Variants in LEPR observed in about 807,000 individuals in gnomAD.
LEPR encodes OB receptor.
A neutral mutation model predicts 114.7 loss-of-function variants in LEPR; 56 were observed. That is an observed-to-expected ratio of 0.49 (90% CI 0.39 to 0.61). LEPR has a LOEUF of 0.61. Ranked by LOEUF, LEPR falls within the 20% of genes least tolerant of loss-of-function variation. The probability of loss-of-function intolerance (pLI) is 0.00; values close to 1 mark genes in which losing one functional copy is unlikely to be tolerated. For missense variants in LEPR, 1,202 were observed against 1,352.9 expected, an observed-to-expected ratio of 0.89 and a Z score of 1.75; for synonymous variants, 443 against 461.4, an observed-to-expected ratio of 0.96 and a Z score of 0.51.
intron 14 of LEPR, among the ~76,000 whole-genome samples, chr1:65,612,816 T>C (rs758769899): frequency 6.6e-6 from 1 of 152,200 alleles, no homozygotes; most frequent in Non-Finnish European, 1.5e-5. Flanking sequence ...AGATCACAGA[T>C]GTAAAATGCC....
At chr1:65,423,307 A>G (rs546423560) in intron 1 of LEPR, among the ~76,000 whole-genome samples, 59 of 152,118 alleles carry the variant, frequency 3.9e-4, no homozygotes, top group Non-Finnish European at 7.4e-4. Flanking sequence ...GAAAAGAGAG[A>G]TGGGGTTGGA....
chr1:65,493,048 C>T (rs1436504473), intron 2 of LEPR, among the ~76,000 whole-genome samples: 1 of 151,976 alleles, frequency 6.6e-6, no homozygotes, highest in Non-Finnish European at 1.5e-5. Context: ...CTCCTTCCAT[C>T]CTGGAAAATC....
intron 2 of LEPR, chr1:65,427,773 GT>G: frequency 5.0e-6 from 2 of 403,196 alleles, no homozygotes; most frequent in Non-Finnish European, 5.0e-6. Flanking sequence ...TTAATTTTTT[GT>G]TTTTTAGAGA....
At chr1:65,635,111 A>G (rs1439739987) in intron 19 of LEPR, 2 of 919,912 alleles carry the variant, frequency 2.2e-6, no homozygotes, top group African/African-American at 3.6e-5. Context: ...TATATGGAAT[A>G]TGCTTGCCAT....
At chr1:65,499,859 GAA>G in intron 2 of LEPR, among the ~76,000 whole-genome samples, 1 of 152,108 alleles carries the variant, frequency 6.6e-6, no homozygotes, top group East Asian at 1.9e-4. Flanking sequence ...TGATTTTCTA[GAA>G]AAGAGTTCAG....
At chr1:65,421,128 G>A (rs930933232) in intron 1 of LEPR, among the ~76,000 whole-genome samples, 2 of 152,182 alleles carry the variant, frequency 1.3e-5, no homozygotes, top group African/African-American at 4.8e-5. Flanking sequence ...TTGCCACAAA[G>A]GACCCTTTGT....
At chr1:65,443,223 A>G (rs977444330) in intron 2 of LEPR, among the ~76,000 whole-genome samples, 4 of 152,134 alleles carry the variant, frequency 2.6e-5, no homozygotes, top group Non-Finnish European at 5.9e-5. Flanking sequence ...ATCAGTATCA[A>G]AAAAATCAAT....
Position 65,633,623 on chromosome 1 carries a change from A to G in LEPR, c.2674-2568A>G, listed in dbSNP as rs1658609880. 1.0e-6 allele frequency: 1 copy of G among 983,684 alleles called. No individual in the cohort carries two copies. The highest frequency in any genetic ancestry group is 4.7e-5 in the South Asian group (1 of 21,296). 60.9% of individuals were successfully genotyped at this position (983,684 alleles called of 1,614,324 possible). ...AATGATTATAAGTATGGAATCAGTG[A>G]AAATATTTAGTTTGTATTTTTATGT... On this transcript the variant is annotated intron_variant, in intron 19 of 19. Coordinates refer to ENST00000349533, the MANE Select transcript of LEPR (RefSeq NM_002303.6). The surrounding 1 kb of genome is among the most constrained non-coding windows in gnomAD (Gnocchi z 4.1).
chr1:65,432,438 C>A, intron 2 of LEPR: 2 of 680,890 alleles, frequency 2.9e-6, no homozygotes, highest in South Asian at 6.6e-5. Context: ...TGATGAGATC[C>A]AAAGGAGTTG....
chr1:65,420,994 C>T (rs1646236694), intron 1 of LEPR, among the ~76,000 whole-genome samples: 1 of 152,192 alleles, frequency 6.6e-6, no homozygotes, highest in South Asian at 2.1e-4. Context: ...AGACCCCTCC[C>T]CAGCCTGAGC....
At chr1:65,431,945 G>T (rs376167161) in intron 2 of LEPR, 3 of 1,606,032 alleles carry the variant, frequency 1.9e-6, no homozygotes, top group Non-Finnish European at 8.5e-7. Flanking sequence ...ACAGTGCATT[G>T]AATTTCTTAG....
rs201216957 is a variant in LEPR at position 65,472,474 on chromosome 1, ATACTTTT to A, written c.-21+47102_-21+47108del. Among the ~76,000 whole-genome samples, 803 of 145,258 alleles carry A rather than the reference ATACTTTT, an allele frequency of 5.5e-3. 13 individuals are homozygous for A. The highest frequency in any genetic ancestry group is 0.02 in the African/African-American group (774 of 39,422). Reference sequence around the variant, plus strand: ...TGTATATATATAATATATATATAATATACTTTTTACTTATAGCCATAGGTAAATGGTG... The same window carrying A: ...TGTATATATATAATATATATATAATATACTTATAGCCATAGGTAAATGGTG... On this transcript the variant is annotated intron_variant, in intron 2 of 19. Transcript: ENST00000349533.
At chr1:65,534,193 C>A (rs1385587590) in intron 2 of LEPR, among the ~76,000 whole-genome samples, 1 of 151,848 alleles carries the variant, frequency 6.6e-6, no homozygotes, top group East Asian at 1.9e-4. Flanking sequence ...TTTTTTATTG[C>A]CACATTTTAG....
At chr1:65,616,336 G>GAGAGACTTTCAGA in intron 15 of LEPR, 112 bp downstream of exon 15, 1 of 1,158,926 alleles carries the variant, frequency 8.6e-7, no homozygotes, top group Non-Finnish European at 1.2e-6. Context: ...GCATCTGAAA[G>GAGAGACTTTCAGA]TCTCTCTTTC....
intron 2 of LEPR, among the ~76,000 whole-genome samples, chr1:65,452,673 C>T (rs1275893051): frequency 1.6e-4 from 24 of 150,916 alleles, no homozygotes; most frequent in Middle Eastern, 3.4e-3. Flanking sequence ...CTGCTGGATT[C>T]GGTTTGCCAG....
intron 19 of LEPR, chr1:65,635,423 T>C: frequency 4.2e-6 from 4 of 956,522 alleles, no homozygotes; most frequent in Non-Finnish European, 2.5e-6. Context: ...AAAAATATGA[T>C]GTACATTTGT....
chr1:65,487,740 G>GTA (rs549618266), intron 2 of LEPR, among the ~76,000 whole-genome samples: 3 of 151,566 alleles, frequency 2.0e-5, no homozygotes, highest in Admixed American at 1.3e-4. Context: ...TACATAATAG[G>GTA]TATATATATA....
intron 2 of LEPR, among the ~76,000 whole-genome samples, chr1:65,555,325 A>G (rs1184292655): frequency 6.6e-6 from 1 of 152,252 alleles, no homozygotes; most frequent in Non-Finnish European, 1.5e-5. Context: ...AACTTCAGCA[A>G]TCAGTTTGAG....
rs1400574903 is a variant in LEPR at position 65,591,942 on chromosome 1, T to C, written c.495-715T>C. Among the ~76,000 whole-genome samples, 3 of 152,128 alleles carry C rather than the reference T, an allele frequency of 2.0e-5. No homozygotes were observed. The East Asian group carries it at 5.8e-4, about 29-fold the overall frequency. On this transcript the variant is annotated intron_variant, in intron 5 of 19. Transcript: ENST00000349533. ...AAATGATTCTACTTAATATCCTTTG[T>C]TGCTTATTAATTATATTTTCTTGTT...
Sources: gnomAD v4.1 joint callset for allele counts (sites outside exome capture counted in the v4.1 genomes callset) on GRCh38, gnomAD v4.1.1 for gene constraint, Gnocchi (gnomAD v3.1) non-coding constraint, MANE v1.5 for transcripts, NCBI Gene and HGNC (gene_info 2026-07-23, HGNC 2026-07-21) for gene names.